Variants in ATG9A observed in about 807,000 individuals in gnomAD.
ATG9A encodes the protein autophagy-related protein 9A.
Under a neutral mutation model 87.1 loss-of-function variants are expected in ATG9A, and 21 were observed. The ratio of observed to expected loss-of-function variants is 0.24; its 90% CI spans 0.17 to 0.35. ATG9A has a LOEUF of 0.35. ATG9A is among the 10% of genes least tolerant of loss of function. ATG9A has a pLI of 1.00. For synonymous variants in ATG9A, 422 were observed against 441.3 expected, an observed-to-expected ratio of 0.96 and a Z score of 0.55; for missense variants, 836 against 1,107.3, an observed-to-expected ratio of 0.76 and a Z score of 3.48.
chr2:219,225,062 C>T lies in ATG9A; in HGVS notation c.516+9G>A. 6.2e-7 allele frequency: 1 copy of T among 1,614,172 alleles called. No homozygotes were observed. The highest frequency in any genetic ancestry group is 8.5e-7 in the Non-Finnish European group (1 of 1,180,006). ...ACTATGGGCTAACTGCCCAACTTCC[C>T]AGTCTTACCATAGGGATGCGCAGAG... On this transcript the variant is annotated intron_variant, in intron 7 of 15. Transcript: ENST00000361242.
chr2:219,225,799 G>C (rs1399625643), intron 5 of ATG9A, among the ~76,000 whole-genome samples: 1 of 152,188 alleles, frequency 6.6e-6, no homozygotes, highest in Non-Finnish European at 1.5e-5. Context: ...CTCACCTCAT[G>C]GTAACCTCAG....
At chr2:219,221,339 G>A (rs374797250) in intron 13 of ATG9A, 37 bp from the exon 14 acceptor site, 182 of 1,498,210 alleles carry the variant, frequency 1.2e-4, no homozygotes, top group Middle Eastern at 1.9e-4. Flanking sequence ...GGGGACAGAC[G>A]GATGTCCATC....
In ATG9A at chr2:219,223,814, T is replaced by G; in HGVS notation, c.1420-50A>C. On this transcript the variant is annotated intron_variant, in intron 9 of 15. Transcript: ENST00000361242. This position sits in a 1 kb window ranked among gnomAD's most constrained non-coding sequence, Gnocchi z 4.7. Reference sequence around the variant, plus strand: ...AAGCGAGCAGGAGGGAGCCCAGCCCTCACCACCGAGCTACCAGCCAGTCTC... The same window carrying G: ...AAGCGAGCAGGAGGGAGCCCAGCCCGCACCACCGAGCTACCAGCCAGTCTC... The G allele has an allele frequency of 6.2e-7, 1 of 1,613,740 alleles. No homozygotes were observed. Among genetic ancestry groups the G allele is most frequent in the Non-Finnish European group, 8.5e-7 (1 of 1,179,906 alleles).
rs754159145 is a variant in ATG9A at position 219,224,362 on chromosome 2, G to A, written c.1009C>T (p.Arg337Cys). The part of the protein sequence containing the change: ...LGARCWSLYG[R>C]CYLRHFNELE... Reference sequence around the variant, plus strand: ...TCGTTGAAGTGGCGGAGGTAGCAGCGGCCATAGAGTGACCAGCAGCGTGCT... The same window carrying A: ...TCGTTGAAGTGGCGGAGGTAGCAGCAGCCATAGAGTGACCAGCAGCGTGCT... Residue 337 changes from arginine to cysteine, a missense_variant, in exon 8 of 16, where the codon CGC (arginine) becomes TGC (cysteine). This residue lies in a region of ATG9A where 512 missense variants were observed against 759.6 expected (regional missense o/e 0.67). Coordinates refer to ENST00000361242, the MANE Select transcript of ATG9A (RefSeq NM_001077198.3). This position sits in a 1 kb window ranked among gnomAD's most constrained non-coding sequence, Gnocchi z 7.7. The A allele has an allele frequency of 1.5e-4, 238 of 1,613,608 alleles. No individual in the cohort carries two copies. Among genetic ancestry groups the A allele is most frequent in the Non-Finnish European group, 1.9e-4 (219 of 1,180,038 alleles).
rs760906329 is a variant in ATG9A, at chr2:219,225,087, G to T, written c.500C>A (p.Ala167Asp). 6.2e-7 allele frequency: 1 copy of T among 1,614,216 alleles called. No homozygotes were observed. The highest frequency in any genetic ancestry group is 8.5e-7 in the Non-Finnish European group (1 of 1,180,040). Residue 167 changes from alanine to aspartate, a missense_variant, in exon 7 of 16, where the codon GCT (alanine) becomes GAT (aspartate). Ala to Asp is a moderately radical substitution (Grantham distance 126). Transcript: ENST00000361242. ...CAGTCTTACCATAGGGATGCGCAGA[G>T]CGTGCAGGTAGAAGGAGTGGATCTC... ...YWEIHSFYLH[A>D]LRIPMSALPY...
chr2:219,220,817 G>A lies in ATG9A; in HGVS notation c.2444C>T (p.Ser815Leu), dbSNP rs754417414. ...CACGGGCTCAGGGTGCCTTGATGCC[G>A]ACTGCCCATCTTCTGCCCACCCTCC... The part of the protein sequence containing the change: ...PLGGWAEDGQ[S>L]ASRHPEPVPE... Residue 815 changes from serine (S) to leucine (L), a missense_variant, in exon 15 of 16, where the codon TCG becomes TTG. Ser to Leu is a moderately radical substitution (Grantham distance 145). This residue lies in a region of ATG9A where 324 missense variants were observed against 347.6 expected (regional missense o/e 0.93). Coordinates refer to ENST00000361242, the MANE Select transcript of ATG9A (RefSeq NM_001077198.3). 20 of 1,613,252 alleles carry A rather than the reference G, an allele frequency of 1.2e-5. 1 individual carries two copies. The highest frequency in any genetic ancestry group is 1.2e-4 in the Admixed American group (7 of 59,974).
chr2:219,226,800 G>C lies in ATG9A; in HGVS notation c.212+69C>G, dbSNP rs1950870288. On this transcript the variant is annotated intron_variant, in intron 5 of 15. Transcript: ENST00000361242. ...GTTGTACTGGCAGGTTGGGCCAAGTGTGAGTGCAAGGAGAGGAAAGACTAA... is the reference window on the plus strand; with the variant it reads ...GTTGTACTGGCAGGTTGGGCCAAGTCTGAGTGCAAGGAGAGGAAAGACTAA... 10 of 1,451,876 alleles carry C rather than the reference G, an allele frequency of 6.9e-6. No homozygotes were observed. The South Asian group carries it at 1.1e-4, about 17-fold the overall frequency. The allele number at this position is 1,451,876 out of a possible 1,614,324, so 89.9% of individuals were successfully genotyped here.
rs776480575 is a variant in ATG9A, at chr2:219,222,329, G to A, written c.1970C>T (p.Pro657Leu). ...TGTGGGCGCCTGCCCGGGTTGCAGC[G>A]GGGAGAAGGAGCGCAGGGCAGAGGC... is the stretch of plus-strand genomic sequence containing the variant. ...EVASALRSFS[P>L]LQPGQAPTGR... The change falls in exon 12 of 16, where the codon CCG becomes CTG. Residue 657 changes from proline (P) to leucine (L), a missense_variant. Pro to Leu is a moderately conservative substitution (Grantham distance 98, BLOSUM62 -3). Coordinates refer to ENST00000361242, the MANE Select transcript of ATG9A (RefSeq NM_001077198.3). The surrounding 1 kb of genome is among the most constrained non-coding windows in gnomAD (Gnocchi z 4.3). 5.0e-6 allele frequency: 8 copies of A among 1,613,258 alleles called. No homozygotes were observed. The highest frequency in any genetic ancestry group is 2.2e-5 in the East Asian group (1 of 44,890).
intron 13 of ATG9A, 66 bp downstream of exon 13, chr2:219,221,984 T>G (rs1574826572): frequency 7.0e-7 from 1 of 1,437,816 alleles, no homozygotes; most frequent in Non-Finnish European, 9.6e-7. Flanking sequence ...CAGAGAAGGG[T>G]TTGGAACCCC....
chr2:219,223,594 A>G lies in ATG9A; in HGVS notation c.1590T>C (p.Gly530=). Residue 530 remains glycine (G), a synonymous_variant, in exon 10 of 16, where the codon GGT becomes GGC. Coordinates refer to ENST00000361242, the MANE Select transcript of ATG9A (RefSeq NM_001077198.3). The surrounding 1 kb of genome is among the most constrained non-coding windows in gnomAD (Gnocchi z 4.7). ...SFAQMDVRQH[G]HPQWLSAGQT... ...CCTCCTCTCCCAGTACCTGGGGATG[A>G]CCATGCTGGCGAACATCCATCTGAG... The G allele has an allele frequency of 1.2e-6, 2 of 1,605,246 alleles. No individual in the cohort carries two copies. The highest frequency in any genetic ancestry group is 1.7e-6 in the Non-Finnish European group (2 of 1,175,000).
intron 4 of ATG9A, among the ~76,000 whole-genome samples, chr2:219,227,301 T>G (rs910502251): frequency 6.6e-6 from 1 of 152,194 alleles, no homozygotes; most frequent in African/African-American, 2.4e-5. Context: ...GTGGATCACT[T>G]GAGGTCAGGA....
intron 14 of ATG9A, 41 bp downstream of exon 14, chr2:219,221,039 T>TC (rs1296427106): frequency 1.4e-5 from 22 of 1,605,424 alleles, no homozygotes; most frequent in Non-Finnish European, 1.9e-5. Context: ...GAACCACCCT[T>TC]CCCTGCAGCC....
chr2:219,223,141 G>A lies in ATG9A; in HGVS notation c.1600-248C>T, dbSNP rs1950796942. Among the ~76,000 whole-genome samples the A allele has an allele frequency of 7.0e-6, 1 of 143,012 alleles. No individual in the cohort carries two copies. Among genetic ancestry groups the A allele is most frequent in the African/African-American group, 2.7e-5 (1 of 37,698 alleles). 93.8% of individuals were successfully genotyped at this position (143,012 alleles called of 152,430 possible). A position where few individuals can be genotyped will look rare whatever the true frequency, so the allele number is the denominator to read the frequency against. On this transcript the variant is annotated intron_variant, in intron 10 of 15. Coordinates refer to ENST00000361242, the MANE Select transcript of ATG9A (RefSeq NM_001077198.3). The surrounding 1 kb of genome is among the most constrained non-coding windows in gnomAD (Gnocchi z 4.7). ...CTCGCTCTGTCGCCCAGGCTGGATT[G>A]CAGTGGCGTGATCTCGGCTCACTGC...
Position 219,220,260 on chromosome 2 carries a change from C to G in ATG9A, c.*187G>C, listed in dbSNP as rs907505790. 4.3e-6 allele frequency: 3 copies of G among 704,426 alleles called. No homozygotes were observed. In the African/African-American group the frequency reaches 5.4e-5, roughly 13 times the overall value. The allele number at this position is 704,426 out of a possible 1,614,324, so 43.6% of individuals were successfully genotyped here. A position where few individuals can be genotyped will look rare whatever the true frequency, so the allele number is the denominator to read the frequency against. ...TCCCGTGTGCCCTCGGTTCCTAGGC[C>G]CCAAATTCCTCTCCTGGGGCTGTGG... On this transcript the variant is annotated 3_prime_UTR_variant, in exon 16 of 16. Coordinates refer to ENST00000361242, the MANE Select transcript of ATG9A (RefSeq NM_001077198.3).
Position 219,223,556 on chromosome 2 carries a change from G to A in ATG9A, c.1599+29C>T. On this transcript the variant is annotated intron_variant, in intron 10 of 15. Coordinates refer to ENST00000361242, the MANE Select transcript of ATG9A (RefSeq NM_001077198.3). This position sits in a 1 kb window ranked among gnomAD's most constrained non-coding sequence, Gnocchi z 4.7. The stretch of plus-strand genomic sequence containing the variant: ...CACTGTATGTTCCAGCATCATCCCA[G>A]GCCACCTGGCTCCCTCCTCTCCCAG... 6.4e-7 allele frequency: 1 copy of A among 1,569,716 alleles called. No homozygotes were observed. Among genetic ancestry groups the A allele is most frequent in the South Asian group, 1.2e-5 (1 of 84,584 alleles).
In ATG9A at chr2:219,222,752, T is replaced by C. The variant is rs1190991502; in HGVS notation, c.1741A>G (p.Lys581Glu). The C allele has an allele frequency of 1.2e-6, 2 of 1,614,122 alleles. No homozygotes were observed. Among genetic ancestry groups the C allele is most frequent in the South Asian group, 1.1e-5 (1 of 91,086 alleles). ...RESTAFLGFL[K>E]EQVQRDGAAA... Reference sequence around the variant, plus strand: ...GCTCCATCCCGCTGAACCTGCTCCTTGAGGAAGCCTAGGAAGGCTGTGCTC... The same window carrying C: ...GCTCCATCCCGCTGAACCTGCTCCTCGAGGAAGCCTAGGAAGGCTGTGCTC... The change falls in exon 11 of 16, where the codon AAG (lysine) becomes GAG (glutamate). Residue 581 changes from lysine (K) to glutamate (E), a missense_variant. Transcript: ENST00000361242. This position sits in a 1 kb window ranked among gnomAD's most constrained non-coding sequence, Gnocchi z 4.3.
In ATG9A at chr2:219,224,867, G is replaced by GC. The variant is rs772511450; in HGVS notation, c.517-14_517-13insG. On this transcript the variant is annotated splice_polypyrimidine_tract_variant and intron_variant, in intron 7 of 15. Transcript: ENST00000361242. The surrounding 1 kb of genome is among the most constrained non-coding windows in gnomAD (Gnocchi z 7.7). ...ACGGAAGGGCAGACTGCGGGGTGGG[G>GC]TGGGGAAGAGACAAGGTACGGAAGG... The GC allele has an allele frequency of 4.1e-5, 62 of 1,507,032 alleles. No individual in the cohort carries two copies. The South Asian group carries it at 7.0e-4, about 17-fold the overall frequency. 93.4% of individuals were successfully genotyped at this position (1,507,032 alleles called of 1,614,324 possible). A position where few individuals can be genotyped will look rare whatever the true frequency, so the allele number is the denominator to read the frequency against.
At chr2:219,221,407 G>A (rs1422984171) in intron 13 of ATG9A, 105 bp from the exon 14 acceptor site, 2 of 1,105,294 alleles carry the variant, frequency 1.8e-6, no homozygotes, top group African/African-American at 3.2e-5. Context: ...CCTTCCCTGA[G>A]AATCCTTGCC....
rs1950719908 is a variant in ATG9A at position 219,220,088 on chromosome 2, G to A, written c.*359C>T. 1 of 300,278 alleles carries A rather than the reference G, an allele frequency of 3.3e-6. No individual in the cohort carries two copies. The allele number at this position is 300,278 out of a possible 1,614,324, so 18.6% of individuals were successfully genotyped here. A position where few individuals can be genotyped will look rare whatever the true frequency, so the allele number is the denominator to read the frequency against. On this transcript the variant is annotated 3_prime_UTR_variant, in exon 16 of 16. Transcript: ENST00000361242. ...CCTCCCCACTCCACAGTTGGCACAG[G>A]TTCTCCCTGCTTGGCAGCTTCTATC... is the stretch of plus-strand genomic sequence containing the variant.
Sources: allele counts gnomAD v4.1 joint callset (sites outside exome capture counted in the v4.1 genomes callset), GRCh38; gene constraint gnomAD v4.1.1; regional missense constraint gnomAD v4.1.1; non-coding constraint Gnocchi (gnomAD v3.1); transcripts MANE v1.5; gene names NCBI Gene and HGNC (gene_info 2026-07-23, HGNC 2026-07-21).